NELL1: variants seen among roughly 807,000 people sequenced by gnomAD.
NELL1 encodes neural EGFL like 1, also known as protein kinase C-binding protein NELL1.
NELL1 carries 76 observed loss-of-function variants against 107.4 expected under a neutral mutation model. The ratio of observed to expected loss-of-function variants is 0.71; its 90% CI spans 0.59 to 0.86. The LOEUF (loss-of-function observed/expected upper bound fraction) is 0.86. Ranked by LOEUF, NELL1 falls within the 40% of genes least tolerant of loss-of-function variation. NELL1 has a pLI of 0.00. For synonymous variants in NELL1, 353 were observed against 341.2 expected (o/e 1.03, Z -0.38); for missense variants, 1,024 against 1,005.5 (o/e 1.02, Z -0.25).
chr11:21,388,345 T>C (rs1333690813), intron 15 of NELL1, among the ~76,000 whole-genome samples: 1 of 151,814 alleles, frequency 6.6e-6, no homozygotes, highest in Non-Finnish European at 1.5e-5. Flanking sequence ...AATATTGTTA[T>C]AAAAATTAGA....
intron 14 of NELL1, among the ~76,000 whole-genome samples, chr11:21,333,677 A>G (rs1850320894): frequency 6.6e-6 from 1 of 152,032 alleles, no homozygotes; most frequent in African/African-American, 2.4e-5. Context: ...GAGATTCACT[A>G]AAGCATTGAA....
chr11:21,380,907 C>A (rs1470397112), intron 15 of NELL1, among the ~76,000 whole-genome samples: 1 of 151,984 alleles, frequency 6.6e-6, no homozygotes, highest in Non-Finnish European at 1.5e-5. Context: ...ACTAAATCTG[C>A]CTCTGTGAAG....
intron 3 of NELL1, among the ~76,000 whole-genome samples, chr11:20,784,637 G>C (rs1192366437): frequency 6.6e-6 from 1 of 152,144 alleles, no homozygotes; most frequent in African/African-American, 2.4e-5. Flanking sequence ...CCTAGGCAAT[G>C]GGTTTTAAGT....
At chr11:21,099,605 A>G (rs1854753993) in intron 12 of NELL1, among the ~76,000 whole-genome samples, 1 of 152,148 alleles carries the variant, frequency 6.6e-6, no homozygotes, top group South Asian at 2.1e-4. Flanking sequence ...TGAGACATGT[A>G]TTGAGGCATA....
rs1186608278 is a variant in NELL1 at position 20,803,330 on chromosome 11, AG to A, written c.335+19502del. ...GTCTAGGAATTTATCCATTTCTTCT[AG>A]GTGTTCAAATTTATTGGCATATAGC... On this transcript the variant is annotated intron_variant, in intron 3 of 19. Transcript: ENST00000357134. 1.2e-4 allele frequency among the ~76,000 whole-genome samples: 19 copies of A among 152,202 alleles called. No individual in the cohort carries two copies. In the Middle Eastern group the frequency reaches 0.01, roughly 82 times the overall value.
intron 13 of NELL1, among the ~76,000 whole-genome samples, chr11:21,132,576 C>T (rs375425349): frequency 6.6e-4 from 101 of 152,292 alleles, no homozygotes; most frequent in African/African-American, 1.9e-3. Flanking sequence ...TGTGAGGCTG[C>T]GGCTGGACCA....
At chr11:21,154,352 G>A (rs1455306203) in intron 13 of NELL1, among the ~76,000 whole-genome samples, 2 of 152,152 alleles carry the variant, frequency 1.3e-5, no homozygotes, top group Non-Finnish European at 2.9e-5. Flanking sequence ...AAAATGATTG[G>A]TCTGGGACTT....
intron 14 of NELL1, among the ~76,000 whole-genome samples, chr11:21,236,315 G>A (rs540834580): frequency 6.6e-6 from 1 of 152,238 alleles, no homozygotes; most frequent in South Asian, 2.1e-4. Flanking sequence ...TGTGCATAAT[G>A]GATGCTCAGT....
intron 12 of NELL1, among the ~76,000 whole-genome samples, chr11:21,021,844 C>T (rs755148163): frequency 5.9e-5 from 9 of 152,080 alleles, no homozygotes; most frequent in Admixed American, 2.0e-4. Flanking sequence ...ATTGAACTTG[C>T]GTCCTTGGCA....
intron 14 of NELL1, among the ~76,000 whole-genome samples, chr11:21,367,954 C>T (rs1851267303): frequency 6.6e-6 from 1 of 152,092 alleles, no homozygotes; most frequent in South Asian, 2.1e-4. Flanking sequence ...GAGTCCTTTT[C>T]ATTGAAATGC....
chr11:21,101,059 G>A (rs995351334), intron 12 of NELL1, among the ~76,000 whole-genome samples: 17 of 148,676 alleles, frequency 1.1e-4, no homozygotes, highest in Non-Finnish European at 2.4e-4. Flanking sequence ...CTCATTGTTC[G>A]ATTCCCACCT....
At chr11:21,293,123 C>G (rs1849306774) in intron 14 of NELL1, among the ~76,000 whole-genome samples, 1 of 152,106 alleles carries the variant, frequency 6.6e-6, no homozygotes, top group Non-Finnish European at 1.5e-5. Context: ...AAGAAACTAT[C>G]ATCGGAGTGA....
chr11:21,156,054 G>A (rs1412606797), intron 13 of NELL1, among the ~76,000 whole-genome samples: 1 of 152,126 alleles, frequency 6.6e-6, no homozygotes, highest in Non-Finnish European at 1.5e-5. Context: ...GAAGTTTGTA[G>A]TTGGGACAGG....
chr11:20,938,629 G>A (rs889569365), intron 10 of NELL1, among the ~76,000 whole-genome samples: 2 of 152,084 alleles, frequency 1.3e-5, no homozygotes, highest in Admixed American at 6.5e-5. Context: ...AGGTATTTGG[G>A]TGAGTGATTA....
intron 12 of NELL1, among the ~76,000 whole-genome samples, chr11:20,988,141 A>G (rs578075622): frequency 6.6e-6 from 1 of 152,298 alleles, no homozygotes; most frequent in South Asian, 2.1e-4. Flanking sequence ...TTAAGGAAAT[A>G]GTGTTTCCTT....
At chr11:21,375,683 T>A (rs1489205894) in intron 15 of NELL1, among the ~76,000 whole-genome samples, 1 of 152,142 alleles carries the variant, frequency 6.6e-6, no homozygotes, top group Non-Finnish European at 1.5e-5. Flanking sequence ...GTATAAGTGT[T>A]CCCTTTTCTC....
chr11:21,144,507 G>A (rs1855934396), intron 13 of NELL1, among the ~76,000 whole-genome samples: 1 of 152,080 alleles, frequency 6.6e-6, no homozygotes, highest in African/African-American at 2.4e-5. Context: ...GAGAGAGAGA[G>A]GAAGAGACAG....
intron 15 of NELL1, among the ~76,000 whole-genome samples, chr11:21,479,332 T>C (rs2133897380): frequency 6.6e-6 from 1 of 152,180 alleles, no homozygotes; most frequent in East Asian, 1.9e-4. Flanking sequence ...GTGGTACCTA[T>C]ATATACTGAA....
intron 15 of NELL1, among the ~76,000 whole-genome samples, chr11:21,423,764 A>G (rs760077817): frequency 6.6e-6 from 1 of 152,232 alleles, no homozygotes; most frequent in Admixed American, 6.5e-5. Context: ...GATAAATGCT[A>G]TACAGTGTAT....
Sources: allele counts gnomAD v4.1 joint callset (sites outside exome capture counted in the v4.1 genomes callset), GRCh38; gene constraint gnomAD v4.1.1; transcripts MANE v1.5; gene names NCBI Gene and HGNC (gene_info 2026-07-23, HGNC 2026-07-21).